Variants in FNDC3B observed in about 807,000 individuals in gnomAD.
FNDC3B encodes fibronectin type III domain containing 3B.
A neutral mutation model predicts 151.5 loss-of-function variants in FNDC3B; 12 were observed. The observed-to-expected ratio is 0.08, with a 90% CI of 0.05 to 0.13. The LOEUF is 0.13. Ranked by LOEUF, FNDC3B falls within the 10% of genes least tolerant of loss-of-function variation. The probability of loss-of-function intolerance (pLI) is 1.00; values close to 1 mark genes in which losing one functional copy is unlikely to be tolerated. For missense variants in FNDC3B, 1,214 were observed against 1,505.3 expected (o/e 0.81, Z 3.20); for synonymous variants, 528 against 549.0 (o/e 0.96, Z 0.54).
chr3:172,345,876 G>A (rs1200806642), intron 19 of FNDC3B: 10 of 152,358 alleles, frequency 6.6e-5, no homozygotes, highest in Admixed American at 6.5e-4. Context: ...TTTTCAAAAT[G>A]GAAAATACCG....
chr3:172,181,564 C>T (rs1471018272), intron 3 of FNDC3B, among the ~76,000 whole-genome samples: 1 of 151,930 alleles, frequency 6.6e-6, no homozygotes, highest in Non-Finnish European at 1.5e-5. Context: ...GGCGTGGTGG[C>T]TCATGCCTGT....
chr3:172,341,675 C>A (rs1733331897), intron 17 of FNDC3B, among the ~76,000 whole-genome samples: 1 of 152,204 alleles, frequency 6.6e-6, no homozygotes, highest in African/African-American at 2.4e-5. Context: ...TTACTGCCAT[C>A]TGCTGGAAAG....
chr3:172,215,070 CAG>C (rs1725909607), intron 3 of FNDC3B, among the ~76,000 whole-genome samples: 1 of 152,182 alleles, frequency 6.6e-6, no homozygotes, highest in Non-Finnish European at 1.5e-5. Context: ...TAATGTAAAA[CAG>C]AGCTTGTGAG....
chr3:172,068,099 C>T (rs1039973608), intron 1 of FNDC3B, among the ~76,000 whole-genome samples: 2 of 152,182 alleles, frequency 1.3e-5, no homozygotes, highest in African/African-American at 2.4e-5. Flanking sequence ...CATTCTGTAG[C>T]CCCTGCTGCT....
At chr3:172,238,590 A>T (rs1304928743) in intron 4 of FNDC3B, among the ~76,000 whole-genome samples, 8 of 152,146 alleles carry the variant, frequency 5.3e-5, no homozygotes, top group Admixed American at 3.3e-4. Context: ...TACTTGGGTG[A>T]TGGTGGTGAG....
chr3:172,204,440 C>CTT (rs1470878430), intron 3 of FNDC3B, among the ~76,000 whole-genome samples: 1 of 152,134 alleles, frequency 6.6e-6, no homozygotes, highest in Non-Finnish European at 1.5e-5. Context: ...AAATAGAACT[C>CTT]TGAGTTTCCA....
At chr3:172,245,464 T>C (rs1727728246) in intron 4 of FNDC3B, among the ~76,000 whole-genome samples, 2 of 152,186 alleles carry the variant, frequency 1.3e-5, no homozygotes, top group Non-Finnish European at 2.9e-5. Context: ...TATGCCTTTT[T>C]TTTTTCTTAA....
intron 21 of FNDC3B, among the ~76,000 whole-genome samples, chr3:172,348,285 G>T (rs1242451800): frequency 1.3e-5 from 2 of 152,184 alleles, no homozygotes; most frequent in African/African-American, 4.8e-5. Context: ...TGGTCTCTTT[G>T]GAGAAAATAT....
At chr3:172,346,545 A>ATTT (rs55676402) in intron 20 of FNDC3B, 105 bp downstream of exon 20, 65,805 of 440,840 alleles carry the variant, frequency 0.15, 2,873 homozygotes, top group African/African-American at 0.32. Context: ...CATATAGATG[A>ATTT]TTTTTTTTTT....
At chr3:172,141,799 T>C (rs540265963) in intron 3 of FNDC3B, among the ~76,000 whole-genome samples, 18 of 152,094 alleles carry the variant, frequency 1.2e-4, no homozygotes, top group African/African-American at 4.1e-4. Flanking sequence ...TGCAGTGAGC[T>C]GAGATCGTGC....
At chr3:172,354,258 TATC>T (rs199532297) in intron 22 of FNDC3B, among the ~76,000 whole-genome samples, 2,881 of 152,134 alleles carry the variant, frequency 0.019, 96 homozygotes, top group African/African-American at 0.065. Context: ...AAATATGAAT[TATC>T]ATATTTAAAT....
chr3:172,353,639 C>T (rs115556217), intron 22 of FNDC3B, among the ~76,000 whole-genome samples: 2,886 of 152,276 alleles, frequency 0.019, 100 homozygotes, highest in African/African-American at 0.066. Flanking sequence ...TTATCAAAAA[C>T]ATCTTCCACG....
At chr3:172,042,632 C>T (rs1332713633) in intron 1 of FNDC3B, among the ~76,000 whole-genome samples, 1 of 152,156 alleles carries the variant, frequency 6.6e-6, no homozygotes, top group African/African-American at 2.4e-5. Flanking sequence ...GTGTTATGCA[C>T]ACTTTACAAA....
intron 3 of FNDC3B, among the ~76,000 whole-genome samples, chr3:172,204,559 T>C (rs923897671): frequency 6.6e-6 from 1 of 152,270 alleles, no homozygotes; most frequent in Non-Finnish European, 1.5e-5. Context: ...TTATTCCACC[T>C]GGATAATCCC....
intron 24 of FNDC3B, among the ~76,000 whole-genome samples, chr3:172,379,758 C>T (rs930125856): frequency 1.3e-5 from 2 of 152,072 alleles, no homozygotes; most frequent in Admixed American, 1.3e-4. Flanking sequence ...GATCAGTTAT[C>T]CCACTTCAGG....
chr3:172,201,952 G>A (rs1305146968), intron 3 of FNDC3B, among the ~76,000 whole-genome samples: 1 of 152,076 alleles, frequency 6.6e-6, no homozygotes, highest in African/African-American at 2.4e-5. Context: ...GCTCTACTTC[G>A]TGCATTTTTG....
intron 6 of FNDC3B, among the ~76,000 whole-genome samples, chr3:172,265,398 G>A (rs997520550): frequency 1.3e-5 from 2 of 151,996 alleles, no homozygotes; most frequent in African/African-American, 4.8e-5. Flanking sequence ...GATGTTTTTT[G>A]CAAATAGATA....
intron 4 of FNDC3B, among the ~76,000 whole-genome samples, chr3:172,237,911 A>G (rs1244233829): frequency 6.6e-6 from 1 of 152,232 alleles, no homozygotes; most frequent in Non-Finnish European, 1.5e-5. Flanking sequence ...GGCTTTTAGA[A>G]ACATCACCAG....
At chr3:172,359,336 A>G (rs949932107) in intron 22 of FNDC3B, among the ~76,000 whole-genome samples, 20 of 152,110 alleles carry the variant, frequency 1.3e-4, no homozygotes, top group African/African-American at 4.3e-4. Context: ...TTGTGTATTA[A>G]AGTAGCTAAG....
Sources: allele counts gnomAD v4.1 joint callset (sites outside exome capture counted in the v4.1 genomes callset), GRCh38; gene constraint gnomAD v4.1.1; transcripts MANE v1.5; gene names NCBI Gene and HGNC (gene_info 2026-07-23, HGNC 2026-07-21).